FBXO11: variants seen among roughly 807,000 people sequenced by gnomAD.
FBXO11 encodes the protein F-box only protein 11.
Under a neutral mutation model 117.0 loss-of-function variants are expected in FBXO11, and 13 were observed. That is an observed-to-expected ratio of 0.11 (90% CI 0.07 to 0.18). The LOEUF (loss-of-function observed/expected upper bound fraction) is 0.18. Ranked by LOEUF, FBXO11 falls within the 10% of genes least tolerant of loss-of-function variation. FBXO11 has a pLI of 1.00. For missense variants in FBXO11, 767 were observed against 1,164.4 expected, an observed-to-expected ratio of 0.66 and a Z score of 4.97; for synonymous variants, 490 against 380.5, an observed-to-expected ratio of 1.29 and a Z score of -3.35.
rs562654629 is a variant in FBXO11, at chr2:47,905,787, G to A, written c.-67C>T. On this transcript the variant is annotated 5_prime_UTR_variant, in exon 1 of 23. Transcript: ENST00000403359. ...ACGCACACGCACAGCGAGCTTCGGG[G>A]CAGGAGAAAGGGGTGGGGAGAGTGG... 178 of 1,258,802 alleles carry A rather than the reference G, an allele frequency of 1.4e-4. 1 individual carries two copies. The highest frequency in any genetic ancestry group is 5.3e-4 in the Admixed American group (22 of 41,788). The allele number at this position is 1,258,802 out of a possible 1,614,324, so 78.0% of individuals were successfully genotyped here.
At chr2:47,873,302 G>C (rs553031353) in intron 1 of FBXO11, among the ~76,000 whole-genome samples, 4 of 152,174 alleles carry the variant, frequency 2.6e-5, no homozygotes, top group Non-Finnish European at 4.4e-5. Context: ...CCCACAATAA[G>C]CCTCAGCTTT....
intron 1 of FBXO11, chr2:47,865,792 T>A (rs1675150381): frequency 1.3e-5 from 2 of 152,178 alleles, no homozygotes; most frequent in African/African-American, 4.8e-5. Context: ...AATACTTAGC[T>A]ATATGATTGT....
At position 47,839,751 on chromosome 2, in the gene FBXO11, T is replaced by C. The variant is rs779557603; in HGVS notation, c.251A>G (p.Asp84Gly). ...VGERDDDVPA[D>G]MVAEESGPGA... ...AGGACCTGATTCTTCTGCAACCATA[T>C]CTGCAGGCACATCATCATCTGTTAT... Residue 84 changes from aspartate to glycine, a missense_variant, in exon 2 of 23, where the codon GAT becomes GGT. Asp to Gly is a moderately conservative substitution (Grantham distance 94, BLOSUM62 -1). Coordinates refer to ENST00000403359, the MANE Select transcript of FBXO11 (RefSeq NM_001190274.2). 1.9e-6 allele frequency: 3 copies of C among 1,613,484 alleles called. No homozygotes were observed. Among genetic ancestry groups the C allele is most frequent in the Non-Finnish European group, 2.5e-6 (3 of 1,179,852 alleles).
intron 18 of FBXO11, chr2:47,811,730 C>T (rs1055346174): frequency 6.6e-6 from 1 of 152,224 alleles, no homozygotes; most frequent in Non-Finnish European, 1.5e-5. Flanking sequence ...TCATATTTCA[C>T]TTTACTTTCA....
intron 11 of FBXO11, among the ~76,000 whole-genome samples, chr2:47,831,143 G>A (rs1021537329): frequency 2.6e-5 from 4 of 151,760 alleles, no homozygotes; most frequent in Admixed American, 6.6e-5. Flanking sequence ...TTGGCCAGGC[G>A]CAGTGGCTCA....
At chr2:47,810,491 G>T in intron 18 of FBXO11, 65 bp from the exon 19 acceptor site, 2 of 996,992 alleles carry the variant, frequency 2.0e-6, no homozygotes, top group Non-Finnish European at 2.9e-6. Context: ...CTTTTTGGTG[G>T]TATTTAGGTT....
At chr2:47,828,581 C>G (rs1444780204) in intron 11 of FBXO11, among the ~76,000 whole-genome samples, 1 of 151,128 alleles carries the variant, frequency 6.6e-6, no homozygotes, top group Non-Finnish European at 1.5e-5. Flanking sequence ...TGCACTCCAG[C>G]CTGGGTGACA....
At chr2:47,848,644 T>C (rs112175978) in intron 1 of FBXO11, among the ~76,000 whole-genome samples, 61 of 152,352 alleles carry the variant, frequency 4.0e-4, no homozygotes, top group Non-Finnish European at 7.8e-4. Flanking sequence ...TCCTATGCTA[T>C]AAATACACTA....
Position 47,832,388 on chromosome 2 carries a change from A to G in FBXO11, c.1359T>C (p.His453=). Residue 453 remains histidine (H), a synonymous_variant, in exon 11 of 23, where the codon CAT becomes CAC. Coordinates refer to ENST00000403359, the MANE Select transcript of FBXO11 (RefSeq NM_001190274.2). ...NPIIRRNHIH[H]GRDVGVFTFD... is the part of the protein sequence containing the mutation. The stretch of plus-strand genomic sequence containing the variant: ...ATGTGAACACACCAACATCACGTCC[A>G]TGATGAATATGATTCCGTCTAATAA... 1 of 1,613,366 alleles carries G rather than the reference A, an allele frequency of 6.2e-7. No individual in the cohort carries two copies. The highest frequency in any genetic ancestry group is 8.5e-7 in the Non-Finnish European group (1 of 1,179,564).
intron 7 of FBXO11, among the ~76,000 whole-genome samples, chr2:47,834,044 GTAC>G (rs1249347955): frequency 2.0e-5 from 3 of 152,114 alleles, no homozygotes; most frequent in African/African-American, 7.2e-5. Context: ...AATGGAGAAA[GTAC>G]TAACATTAGG....
At chr2:47,812,467 G>A (rs1484469699) in intron 18 of FBXO11, among the ~76,000 whole-genome samples, 3 of 152,060 alleles carry the variant, frequency 2.0e-5, no homozygotes, top group East Asian at 3.8e-4. Context: ...TCTGTATTGT[G>A]TGTCTTCACT....
rs1029858368 is a variant in FBXO11 at position 47,834,503 on chromosome 2, T to A, written c.934+76A>T. On this transcript the variant is annotated intron_variant, in intron 7 of 22. Coordinates refer to ENST00000403359, the MANE Select transcript of FBXO11 (RefSeq NM_001190274.2). Reference sequence around the variant, plus strand: ...GGATATTATAAAACTGGATTTTAAGTCACTAGCATTTTTAAAATCCTATCA... The same window carrying A: ...GGATATTATAAAACTGGATTTTAAGACACTAGCATTTTTAAAATCCTATCA... The A allele has an allele frequency of 4.4e-6, 5 of 1,128,214 alleles. No individual in the cohort carries two copies. The African/African-American group carries it at 4.8e-5, about 11-fold the overall frequency. The allele number at this position is 1,128,214 out of a possible 1,614,324, so 69.9% of individuals were successfully genotyped here. A position where few individuals can be genotyped will look rare whatever the true frequency, so the allele number is the denominator to read the frequency against.
At chr2:47,826,582 T>C (rs546977860) in intron 11 of FBXO11, among the ~76,000 whole-genome samples, 3 of 152,318 alleles carry the variant, frequency 2.0e-5, no homozygotes, top group Non-Finnish European at 4.4e-5. Context: ...CAATATATAC[T>C]CACACATTGT....
intron 1 of FBXO11, among the ~76,000 whole-genome samples, chr2:47,899,273 CA>C (rs376186704): frequency 0.016 from 956 of 60,640 alleles, 10 homozygotes; most frequent in South Asian, 0.079. Flanking sequence ...GACTCCGTCT[CA>C]AAAAAAAAAA....
chr2:47,889,537 C>T (rs1284208117), intron 1 of FBXO11, among the ~76,000 whole-genome samples: 2 of 152,010 alleles, frequency 1.3e-5, no homozygotes, highest in African/African-American at 2.4e-5. Context: ...AATCTAAGAA[C>T]TAAATTCATG....
chr2:47,809,781 A>G (rs898468939), intron 19 of FBXO11, 74 bp from the exon 20 acceptor site: 2 of 908,384 alleles, frequency 2.2e-6, no homozygotes, highest in Admixed American at 4.0e-5. Flanking sequence ...TAGCAAGCAA[A>G]TGTAAACTGC....
chr2:47,808,764 C>T, intron 21 of FBXO11: 1 of 280,600 alleles, frequency 3.6e-6, no homozygotes, highest in Non-Finnish European at 6.6e-6. Context: ...ACACTTAACC[C>T]CGACATCTTT....
intron 1 of FBXO11, 112 bp from the exon 2 acceptor site, chr2:47,839,881 A>G (rs1672878994): frequency 5.6e-6 from 5 of 890,370 alleles, no homozygotes; most frequent in East Asian, 2.7e-5. Flanking sequence ...TGTAAGTTTT[A>G]TATGAAATTC....
At position 47,808,744 on chromosome 2, in the gene FBXO11, G is replaced by GA. The variant is rs139360606; in HGVS notation, c.2556-318dup. The GA allele has an allele frequency of 8.4e-3, 2,607 of 311,872 alleles. 67 individuals carry two copies. The highest frequency in any genetic ancestry group is 0.052 in the African/African-American group (2,409 of 46,490). The allele number at this position is 311,872 out of a possible 1,614,324, so 19.3% of individuals were successfully genotyped here. On this transcript the variant is annotated intron_variant, in intron 21 of 22. Transcript: ENST00000403359. The stretch of plus-strand genomic sequence containing the variant: ...GAGTCAAAACTGTCACAGTGACTGG[G>GA]ATATATCAAACACTTAACCCCGACA...
Sources: allele counts gnomAD v4.1 joint callset (sites outside exome capture counted in the v4.1 genomes callset), GRCh38; gene constraint gnomAD v4.1.1; transcripts MANE v1.5; gene names NCBI Gene and HGNC (gene_info 2026-07-23, HGNC 2026-07-21).